PKP4: variants seen among roughly 807,000 people sequenced by gnomAD.
PKP4 encodes the protein plakophilin-4.
In PKP4, 90 loss-of-function variants were observed where a neutral mutation model predicts 145.1. The ratio of observed to expected loss-of-function variants is 0.62; its 90% confidence interval spans 0.52 to 0.74. The LOEUF (loss-of-function observed/expected upper bound fraction) is 0.74. PKP4 is among the 30% of genes least tolerant of loss of function. The probability of loss-of-function intolerance (pLI) is 0.00; values close to 1 mark genes in which losing one functional copy is unlikely to be tolerated. For synonymous variants in PKP4, 563 were observed against 577.2 expected, an observed-to-expected ratio of 0.98 and a Z score of 0.35; for missense variants, 1,340 against 1,482.7, an observed-to-expected ratio of 0.90 and a Z score of 1.58.
chr2:158,635,352 C>A (rs1357960559), intron 9 of PKP4, among the ~76,000 whole-genome samples: 1 of 152,140 alleles, frequency 6.6e-6, no homozygotes, highest in African/African-American at 2.4e-5. Flanking sequence ...TGGTTTGCCA[C>A]CTTTTTGTCA....
chr2:158,529,102 G>A (rs1214814342), intron 1 of PKP4, among the ~76,000 whole-genome samples: 3 of 152,164 alleles, frequency 2.0e-5, no homozygotes, highest in Admixed American at 6.5e-5. Flanking sequence ...TCATGGGAGT[G>A]TGCTACCTTC....
intron 7 of PKP4, among the ~76,000 whole-genome samples, chr2:158,629,172 G>A (rs577030446): frequency 2.6e-5 from 4 of 152,314 alleles, no homozygotes; most frequent in Admixed American, 1.3e-4. Flanking sequence ...AGCAATCACA[G>A]TGTCATCTTT....
intron 1 of PKP4, among the ~76,000 whole-genome samples, chr2:158,467,859 A>C (rs906346274): frequency 6.6e-6 from 1 of 152,170 alleles, no homozygotes; most frequent in Non-Finnish European, 1.5e-5. Flanking sequence ...AAAATAAAAA[A>C]ATAAAAAAAG....
intron 1 of PKP4, among the ~76,000 whole-genome samples, chr2:158,473,636 A>C (rs1293493688): frequency 1.3e-5 from 2 of 150,052 alleles, no homozygotes; most frequent in Non-Finnish European, 3.0e-5. Flanking sequence ...GAAGGAAACA[A>C]CCCTTGGGTC....
chr2:158,461,375 C>G (rs1407661201), intron 1 of PKP4, among the ~76,000 whole-genome samples: 1 of 152,084 alleles, frequency 6.6e-6, no homozygotes, highest in Non-Finnish European at 1.5e-5. Context: ...GGCTATATCA[C>G]TGATCATTTT....
At chr2:158,527,373 C>G (rs2043056294) in intron 1 of PKP4, among the ~76,000 whole-genome samples, 1 of 128,430 alleles carries the variant, frequency 7.8e-6, no homozygotes, top group South Asian at 2.9e-4. Context: ...CTGAGAAAAA[C>G]AAGCAATGGG....
In PKP4 at chr2:158,533,227, C is replaced by T; in HGVS notation, c.43C>T (p.Pro15Ser). The change falls in exon 2 of 22, where the codon CCA becomes TCA. Residue 15 changes from proline to serine, a missense_variant. Transcript: ENST00000389759. Reference protein sequence around the residue: ...EQASLVEEGQPQTRQEAASTG... With the variant: ...EQASLVEEGQSQTRQEAASTG... ...GGCCTCATTGGTGGAGGAGGGGCAA[C>T]CACAGACCCGCCAGGAAGCTGCCTC... is the stretch of plus-strand genomic sequence containing the variant. The T allele has an allele frequency of 6.2e-7, 1 of 1,613,832 alleles. No homozygotes were observed.
chr2:158,531,737 T>A (rs760011963), intron 1 of PKP4, among the ~76,000 whole-genome samples: 1 of 152,188 alleles, frequency 6.6e-6, no homozygotes, highest in Non-Finnish European at 1.5e-5. Context: ...ATCCTACTCA[T>A]CTCATGTCTC....
intron 11 of PKP4, among the ~76,000 whole-genome samples, chr2:158,644,828 C>T (rs966815307): frequency 2.0e-5 from 3 of 152,124 alleles, no homozygotes; most frequent in African/African-American, 4.8e-5. Context: ...ATACATAAGA[C>T]AAAATGTTAA....
chr2:158,487,187 A>G (rs1329229348), intron 1 of PKP4, among the ~76,000 whole-genome samples: 1 of 152,186 alleles, frequency 6.6e-6, no homozygotes, highest in Non-Finnish European at 1.5e-5. Context: ...TTCGTGCGAT[A>G]GTTAAAAACA....
chr2:158,484,239 G>C (rs1460965340), intron 1 of PKP4, among the ~76,000 whole-genome samples: 3 of 151,436 alleles, frequency 2.0e-5, no homozygotes, highest in African/African-American at 7.3e-5. Context: ...AGTAGAGACG[G>C]GGTTTCACCT....
intron 4 of PKP4, among the ~76,000 whole-genome samples, chr2:158,604,059 A>G (rs545033927): frequency 6.6e-6 from 1 of 152,322 alleles, no homozygotes; most frequent in African/African-American, 2.4e-5. Flanking sequence ...CCTAACAATA[A>G]GGCTTCTAAA....
At chr2:158,678,485 G>A (rs537269140) in intron 20 of PKP4, 96 bp from the exon 21 acceptor site, 12 of 847,820 alleles carry the variant, frequency 1.4e-5, no homozygotes, top group South Asian at 4.1e-5. Context: ...AGGCCCTGTC[G>A]GGGACAGTGC....
chr2:158,477,842 C>A lies in PKP4; in HGVS notation c.-6+20624C>A, dbSNP rs562323018. On this transcript the variant is annotated intron_variant, in intron 1 of 21. Coordinates refer to ENST00000389759, the MANE Select transcript of PKP4 (RefSeq NM_003628.6). ...CTGCACTGCAGCCTGAGTAACATAGCAAGACACTCATCTCTCAAAAAAAAC... is the reference window on the plus strand; with the variant it reads ...CTGCACTGCAGCCTGAGTAACATAGAAAGACACTCATCTCTCAAAAAAAAC... 2.1e-4 allele frequency among the ~76,000 whole-genome samples: 32 copies of A among 152,232 alleles called. No individual in the cohort carries two copies. The South Asian group carries it at 6.4e-3, about 31-fold the overall frequency.
chr2:158,467,841 T>C (rs776580293), intron 1 of PKP4, among the ~76,000 whole-genome samples: 4 of 152,154 alleles, frequency 2.6e-5, no homozygotes, highest in African/African-American at 4.8e-5. Context: ...AGTGAAACTC[T>C]ATCTCCAAAA....
At chr2:158,583,298 A>G (rs4664977) in intron 3 of PKP4, among the ~76,000 whole-genome samples, 107,939 of 151,960 alleles carry the variant, frequency 0.71, 39,629 homozygotes, top group Non-Finnish European at 0.8. Flanking sequence ...GGGCCCACTT[A>G]GATTCTGTAC....
chr2:158,575,368 G>A lies in PKP4; in HGVS notation c.133-1903G>A, dbSNP rs543045021. Among the ~76,000 whole-genome samples, 25 of 152,262 alleles carry A rather than the reference G, an allele frequency of 1.6e-4. 1 individual carries two copies. The South Asian group carries it at 5.0e-3, about 30-fold the overall frequency. ...CCAAAGTCACCCGTTCTGCTTTTGA[G>A]GGAAGGAATTATGAGAAATTCCAAC... On this transcript the variant is annotated intron_variant, in intron 2 of 21. Transcript: ENST00000389759.
At chr2:158,577,705 T>G (rs1305799574) in intron 3 of PKP4, among the ~76,000 whole-genome samples, 1 of 152,212 alleles carries the variant, frequency 6.6e-6, no homozygotes, top group Non-Finnish European at 1.5e-5. Context: ...TGGCTGGTGC[T>G]TTGAACACCT....
chr2:158,655,734 CAT>C (rs1263626638), intron 11 of PKP4, among the ~76,000 whole-genome samples: 2 of 152,232 alleles, frequency 1.3e-5, no homozygotes, highest in Non-Finnish European at 2.9e-5. Context: ...TTAGGAATCA[CAT>C]GTTATGAAAC....
Sources: allele counts gnomAD v4.1 joint callset (sites outside exome capture counted in the v4.1 genomes callset), GRCh38; gene constraint gnomAD v4.1.1; transcripts MANE v1.5; gene names NCBI Gene and HGNC (gene_info 2026-07-23, HGNC 2026-07-21).